The following SERINC5 variants were observed in gnomAD, a reference collection of about 807,000 sequenced individuals.
SERINC5 encodes serine incorporator 5.
Under a neutral mutation model 63.1 loss-of-function variants are expected in SERINC5, and 41 were observed. That is an observed-to-expected ratio of 0.65 (90% CI 0.51 to 0.84). The LOEUF (loss-of-function observed/expected upper bound fraction) is 0.84. Ranked by LOEUF, SERINC5 falls within the 40% of genes least tolerant of loss-of-function variation. SERINC5 has a pLI of 0.00. For synonymous variants in SERINC5, 222 were observed against 215.2 expected (o/e 1.03, Z -0.28); for missense variants, 523 against 573.0 (o/e 0.91, Z 0.89).
At chr5:80,215,799 T>G (rs1461609826) in intron 1 of SERINC5, among the ~76,000 whole-genome samples, 1 of 152,066 alleles carries the variant, frequency 6.6e-6, no homozygotes, top group Non-Finnish European at 1.5e-5. Flanking sequence ...CAGAACCAAG[T>G]CTGAAATGGG....
At chr5:80,200,170 T>TA (rs1303064850) in intron 2 of SERINC5, among the ~76,000 whole-genome samples, 1 of 152,012 alleles carries the variant, frequency 6.6e-6, no homozygotes, top group Non-Finnish European at 1.5e-5. Flanking sequence ...TGCCTTGTTT[T>TA]AGGCCTTAGA....
chr5:80,193,502 T>C (rs1007155846), intron 2 of SERINC5, among the ~76,000 whole-genome samples: 2 of 152,204 alleles, frequency 1.3e-5, no homozygotes, highest in Non-Finnish European at 2.9e-5. Context: ...CTCTCGTCCA[T>C]AGCCAGACCA....
At chr5:80,174,366 C>CAAA (rs1241280653) in intron 5 of SERINC5, among the ~76,000 whole-genome samples, 1 of 19,548 alleles carries the variant, frequency 5.1e-5, no homozygotes, top group South Asian at 2.6e-3. Flanking sequence ...GATCCCATCT[C>CAAA]AAAAATAATA....
At chr5:80,209,217 G>A (rs1750320128) in intron 1 of SERINC5, among the ~76,000 whole-genome samples, 1 of 152,194 alleles carries the variant, frequency 6.6e-6, no homozygotes, top group African/African-American at 2.4e-5. Context: ...GTTGCAGTGA[G>A]CCGAGATCGC....
chr5:80,166,331 T>G (rs1661178708), intron 7 of SERINC5, 52 bp downstream of exon 7: 2 of 1,179,188 alleles, frequency 1.7e-6, no homozygotes, highest in Non-Finnish European at 2.5e-6. Context: ...CATTCCTCCA[T>G]GAATGAAAAT....
chr5:80,214,763 G>A (rs779470035), intron 1 of SERINC5, among the ~76,000 whole-genome samples: 6 of 152,090 alleles, frequency 3.9e-5, no homozygotes, highest in Non-Finnish European at 7.4e-5. Flanking sequence ...CAGGTGTGGT[G>A]GCATGTGCCT....
At chr5:80,146,285 C>T in intron 10 of SERINC5, 51 bp from the exon 11 acceptor site, 2 of 1,600,736 alleles carry the variant, frequency 1.2e-6, no homozygotes, top group Non-Finnish European at 1.7e-6. Context: ...TGTGTGTTTA[C>T]CATTCAGCAA....
In SERINC5 at chr5:80,141,403, A is replaced by G; in HGVS notation, c.*2260T>C. 1 of 985,478 alleles carries G rather than the reference A, an allele frequency of 1.0e-6. No homozygotes were observed. The highest frequency in any genetic ancestry group is 1.2e-6 in the Non-Finnish European group (1 of 829,944). 61.0% of individuals were successfully genotyped at this position (985,478 alleles called of 1,614,324 possible). On this transcript the variant is annotated 3_prime_UTR_variant, in exon 12 of 12. Transcript: ENST00000507668. ...CTGCTTTCTGCAGAGGAAAGGGCCAATCACGGCCAGCCAAGGAATACAAGG... is the reference window on the plus strand; with the variant it reads ...CTGCTTTCTGCAGAGGAAAGGGCCAGTCACGGCCAGCCAAGGAATACAAGG...
chr5:80,242,830 T>C (rs776194196), intron 1 of SERINC5, among the ~76,000 whole-genome samples: 4 of 151,980 alleles, frequency 2.6e-5, no homozygotes, highest in Non-Finnish European at 5.9e-5. Flanking sequence ...GGCTGAGACA[T>C]GAGAATTGCT....
intron 2 of SERINC5, among the ~76,000 whole-genome samples, chr5:80,188,282 C>CA (rs34863168): frequency 0.042 from 3,452 of 82,218 alleles, 103 homozygotes; most frequent in Non-Finnish European, 0.048. Flanking sequence ...GACTCCGTCT[C>CA]AAAAAAAAAA....
rs1490723571 is a variant in SERINC5 at position 80,177,221 on chromosome 5, T to C, written c.457+94A>G. The C allele has an allele frequency of 6.0e-6, 5 of 827,288 alleles. No individual in the cohort carries two copies. The East Asian group carries it at 1.3e-4, about 21-fold the overall frequency. The allele number at this position is 827,288 out of a possible 1,614,324, so 51.2% of individuals were successfully genotyped here. A position where few individuals can be genotyped will look rare whatever the true frequency, so the allele number is the denominator to read the frequency against. On this transcript the variant is annotated intron_variant, in intron 4 of 11. Transcript: ENST00000507668. ...GAAGCCAAAAGAAAATCAGTAATTC[T>C]AACTATCAGAGGTACTTTGGACTGC...
At chr5:80,181,952 C>CTT (rs993613153) in intron 2 of SERINC5, among the ~76,000 whole-genome samples, 21 of 152,206 alleles carry the variant, frequency 1.4e-4, no homozygotes, top group African/African-American at 4.1e-4. Context: ...TTCATTAACC[C>CTT]TTTTCCTATT....
At chr5:80,170,888 T>C (rs1346803997) in intron 5 of SERINC5, among the ~76,000 whole-genome samples, 2 of 152,242 alleles carry the variant, frequency 1.3e-5, no homozygotes, top group East Asian at 1.9e-4. Flanking sequence ...AAACTTGTAG[T>C]CCCAGCTGCT....
At position 80,142,302 on chromosome 5, in the gene SERINC5, C is replaced by T. The variant is rs1233860426; in HGVS notation, c.*1361G>A. The T allele has an allele frequency of 4.8e-5, 47 of 984,220 alleles. No individual in the cohort carries two copies. Among genetic ancestry groups the T allele is most frequent in the South Asian group, 1.9e-4 (4 of 21,260 alleles). 61.0% of individuals were successfully genotyped at this position (984,220 alleles called of 1,614,324 possible). A position where few individuals can be genotyped will look rare whatever the true frequency, so the allele number is the denominator to read the frequency against. ...TGGAAATTCCTGTGCAGCGTGATCT[C>T]GGCTCACTGCAACCTCCGCCTCCCG... is the stretch of plus-strand genomic sequence containing the variant. On this transcript the variant is annotated 3_prime_UTR_variant, in exon 12 of 12. Coordinates refer to ENST00000507668, the MANE Select transcript of SERINC5 (RefSeq NM_001174072.3).
At chr5:80,212,217 G>C (rs76953068) in intron 1 of SERINC5, among the ~76,000 whole-genome samples, 1 of 152,142 alleles carries the variant, frequency 6.6e-6, no homozygotes, top group African/African-American at 2.4e-5. Context: ...CAGTGGGATG[G>C]GGCACAGTGG....
At chr5:80,143,861 A>C in intron 11 of SERINC5, 51 bp from the exon 12 acceptor site, 1 of 1,524,008 alleles carries the variant, frequency 6.6e-7, no homozygotes, top group Non-Finnish European at 8.8e-7. Flanking sequence ...ATATTGAGAT[A>C]CAATTCACTA....
intron 1 of SERINC5, among the ~76,000 whole-genome samples, chr5:80,233,805 CTTTTTTT>C (rs373920343): frequency 6.0e-4 from 42 of 69,932 alleles, no homozygotes; most frequent in East Asian, 3.2e-3. Flanking sequence ...TCAACTTTTA[CTTTTTTT>C]TTTTTTTTTT....
Position 80,140,234 on chromosome 5 carries a change from G to T in SERINC5, c.*3429C>A. 1.2e-6 allele frequency: 1 copy of T among 854,490 alleles called. No homozygotes were observed. Among genetic ancestry groups the T allele is most frequent in the Non-Finnish European group, 1.4e-6 (1 of 719,390 alleles). The allele number at this position is 854,490 out of a possible 1,614,324, so 52.9% of individuals were successfully genotyped here. On this transcript the variant is annotated 3_prime_UTR_variant, in exon 12 of 12. Transcript: ENST00000507668. ...CTTGGGAGGTGGTCCTTGAGCCCAG[G>T]AGGTCAAGCCTGCCATGAGTCAAGA...
At chr5:80,150,197 G>A (rs1017914183) in intron 9 of SERINC5, among the ~76,000 whole-genome samples, 2 of 152,098 alleles carry the variant, frequency 1.3e-5, no homozygotes. Flanking sequence ...GTGTATGGAG[G>A]GCACAGACAA....
Sources: allele counts gnomAD v4.1 joint callset (sites outside exome capture counted in the v4.1 genomes callset), GRCh38; gene constraint gnomAD v4.1.1; transcripts MANE v1.5; gene names NCBI Gene and HGNC (gene_info 2026-07-23, HGNC 2026-07-21).